PLCL2: variants seen among roughly 807,000 people sequenced by gnomAD.
PLCL2 encodes the protein inactive phospholipase C-like protein 2.
In PLCL2, 4 loss-of-function variants were observed where a neutral mutation model predicts 79.6. That is an observed-to-expected ratio of 0.05 (90% confidence interval 0.02 to 0.11). The LOEUF (loss-of-function observed/expected upper bound fraction) is 0.11, where lower values mean the gene tolerates loss of function less well. Among genes scored for constraint, PLCL2 ranks in the 10% least tolerant of loss-of-function variants. PLCL2 has a pLI of 1.00. For missense variants in PLCL2, 895 were observed against 1,291.0 expected (o/e 0.69, Z 4.70); for synonymous variants, 484 against 457.7 (o/e 1.06, Z -0.73).
chr3:17,044,753 G>A (rs556387691), intron 4 of PLCL2, among the ~76,000 whole-genome samples: 6 of 151,924 alleles, frequency 3.9e-5, no homozygotes, highest in Non-Finnish European at 7.4e-5. Context: ...CTGTTTATCA[G>A]AAAAAAAACT....
intron 1 of PLCL2, among the ~76,000 whole-genome samples, chr3:16,988,840 T>A (rs1279938015): frequency 6.6e-6 from 1 of 152,178 alleles, no homozygotes; most frequent in East Asian, 1.9e-4. Flanking sequence ...TTTCATAAAT[T>A]AACCTGGTTG....
At chr3:17,025,876 C>T (rs149647585) in intron 3 of PLCL2, among the ~76,000 whole-genome samples, 97 of 152,164 alleles carry the variant, frequency 6.4e-4, no homozygotes, top group African/African-American at 2.2e-3. Context: ...TCAGCATTGC[C>T]TCTCATTTTC....
chr3:16,966,762 A>G (rs1378934018), intron 1 of PLCL2, among the ~76,000 whole-genome samples: 4 of 152,154 alleles, frequency 2.6e-5, no homozygotes, highest in African/African-American at 9.7e-5. Flanking sequence ...GTATGTGTCC[A>G]GGAATTTATC....
intron 1 of PLCL2, among the ~76,000 whole-genome samples, chr3:16,953,849 T>C (rs1300639486): frequency 6.6e-6 from 1 of 152,126 alleles, no homozygotes; most frequent in Admixed American, 6.5e-5. Flanking sequence ...TAAGAGAATT[T>C]GTTATTTATG....
At chr3:17,002,903 A>G (rs7427303) in intron 1 of PLCL2, among the ~76,000 whole-genome samples, 1 of 151,702 alleles carries the variant, frequency 6.6e-6, no homozygotes, top group Non-Finnish European at 1.5e-5. Flanking sequence ...CAAGGAATTC[A>G]TCATCTCTGA....
chr3:16,957,184 C>G (rs889903382), intron 1 of PLCL2, among the ~76,000 whole-genome samples: 3 of 152,132 alleles, frequency 2.0e-5, no homozygotes, highest in South Asian at 4.2e-4. Flanking sequence ...AAATTTCCCT[C>G]TACACACTGC....
chr3:17,068,508 G>A (rs1385248327), intron 5 of PLCL2, among the ~76,000 whole-genome samples: 1 of 152,104 alleles, frequency 6.6e-6, no homozygotes, highest in African/African-American at 2.4e-5. Flanking sequence ...GAATTGTATG[G>A]AGCATAATCA....
chr3:17,007,022 T>A (rs1054938707), intron 1 of PLCL2, among the ~76,000 whole-genome samples: 7 of 152,242 alleles, frequency 4.6e-5, no homozygotes, highest in African/African-American at 1.7e-4. Flanking sequence ...TCTTAATGGA[T>A]CAGTGGATAA....
chr3:16,956,907 G>C (rs1309102362), intron 1 of PLCL2, among the ~76,000 whole-genome samples: 1 of 152,008 alleles, frequency 6.6e-6, no homozygotes, highest in Non-Finnish European at 1.5e-5. Flanking sequence ...GCATCTATTT[G>C]ATTCTTCTCT....
At position 16,956,821 on chromosome 3, in the gene PLCL2, G is replaced by A. The variant is rs1305034696; in HGVS notation, c.328-52853G>A. On this transcript the variant is annotated intron_variant, in intron 1 of 5. Coordinates refer to ENST00000615277, the MANE Select transcript of PLCL2 (RefSeq NM_001144382.2). ...GATTTTCTAGTTTATTTGCGTAGAG[G>A]TGTTTGTAGTATTCTCTGATGGTAG... Among the ~76,000 whole-genome samples the A allele has an allele frequency of 2.6e-5, 4 of 152,300 alleles. No homozygotes were observed. In the East Asian group the frequency reaches 5.8e-4, roughly 22 times the overall value.
intron 1 of PLCL2, among the ~76,000 whole-genome samples, chr3:16,910,938 G>GT (rs1211252000): frequency 1.3e-5 from 2 of 152,148 alleles, no homozygotes; most frequent in Non-Finnish European, 2.9e-5. Flanking sequence ...ATAGTGTGCT[G>GT]TAAGTATTAT....
chr3:16,937,253 C>T (rs1697562474), intron 1 of PLCL2, among the ~76,000 whole-genome samples: 1 of 152,262 alleles, frequency 6.6e-6, no homozygotes, highest in South Asian at 2.1e-4. Context: ...GAATAGGCTA[C>T]CGGGAGGAAC....
intron 4 of PLCL2, among the ~76,000 whole-genome samples, chr3:17,060,694 A>G (rs888379756): frequency 6.6e-6 from 1 of 152,322 alleles, no homozygotes; most frequent in South Asian, 2.1e-4. Context: ...ATATCATACC[A>G]TAAGTCATGT....
chr3:17,008,124 C>G (rs2124884686), intron 1 of PLCL2, among the ~76,000 whole-genome samples: 1 of 152,096 alleles, frequency 6.6e-6, no homozygotes, highest in Admixed American at 6.6e-5. Flanking sequence ...TAAGTGCTGC[C>G]TGAAGTTTTA....
In PLCL2 at chr3:16,886,836, A is replaced by G. The variant is rs1696236049; in HGVS notation, c.327+1470A>G. ...GGTGACATTTCTGTTTTTATTTGTC[A>G]TAAAATATTTGTGGTGATTTTGCAT... On this transcript the variant is annotated intron_variant, in intron 1 of 5. Coordinates refer to ENST00000615277, the MANE Select transcript of PLCL2 (RefSeq NM_001144382.2). This position sits in a 1 kb window ranked among gnomAD's most constrained non-coding sequence, Gnocchi z 4.2. 6.6e-6 allele frequency among the ~76,000 whole-genome samples: 1 copy of G among 152,244 alleles called. No homozygotes were observed. Among genetic ancestry groups the G allele is most frequent in the African/African-American group, 2.4e-5 (1 of 41,466 alleles).
chr3:16,999,280 T>C (rs2064183545), intron 1 of PLCL2, among the ~76,000 whole-genome samples: 1 of 152,168 alleles, frequency 6.6e-6, no homozygotes, highest in African/African-American at 2.4e-5. Context: ...TGGTTGTGCA[T>C]CAGTTAAACA....
chr3:17,014,995 C>A, intron 3 of PLCL2, 84 bp downstream of exon 3: 1 of 1,032,196 alleles, frequency 9.7e-7, no homozygotes. Context: ...GGAGCTTTTG[C>A]TGAAGTGCAC....
At chr3:17,046,126 C>G (rs1328876222) in intron 4 of PLCL2, among the ~76,000 whole-genome samples, 2 of 152,122 alleles carry the variant, frequency 1.3e-5, no homozygotes, top group African/African-American at 4.8e-5. Context: ...GAATGGGTCT[C>G]TATAATTCAT....
intron 5 of PLCL2, among the ~76,000 whole-genome samples, chr3:17,081,786 C>T (rs1274312559): frequency 6.6e-6 from 1 of 152,194 alleles, no homozygotes; most frequent in African/African-American, 2.4e-5. Flanking sequence ...ACGCCAGACT[C>T]GCAGCAAGAG....
Sources: allele counts gnomAD v4.1 joint callset (sites outside exome capture counted in the v4.1 genomes callset), GRCh38; gene constraint gnomAD v4.1.1; non-coding constraint Gnocchi (gnomAD v3.1); transcripts MANE v1.5; gene names NCBI Gene and HGNC (gene_info 2026-07-23, HGNC 2026-07-21).